TMEFF2: variants seen among roughly 807,000 people sequenced by gnomAD.
The protein encoded by TMEFF2 is transmembrane protein with EGF like and two follistatin like domains 2, also known as tomoregulin-2.
A neutral mutation model predicts 53.8 loss-of-function variants in TMEFF2; 28 were observed. The observed-to-expected ratio is 0.52, with a 90% CI of 0.39 to 0.71. The LOEUF is 0.71. Ranked by LOEUF, TMEFF2 falls within the 30% of genes least tolerant of loss-of-function variation. The pLI is 0.00. For synonymous variants in TMEFF2, 162 were observed against 166.3 expected (o/e 0.97, Z 0.20); for missense variants, 353 against 455.2 (o/e 0.78, Z 2.04).
chr2:191,979,301 G>A (rs1685802814), intron 7 of TMEFF2, among the ~76,000 whole-genome samples: 1 of 152,156 alleles, frequency 6.6e-6, no homozygotes, highest in African/African-American at 2.4e-5. Flanking sequence ...GCAAATACTT[G>A]ATAGGAAGTT....
At chr2:192,011,082 C>G (rs1686615051) in intron 5 of TMEFF2, among the ~76,000 whole-genome samples, 1 of 152,104 alleles carries the variant, frequency 6.6e-6, no homozygotes, top group Admixed American at 6.5e-5. Flanking sequence ...GTATTTTTCA[C>G]TAAACTGTGT....
rs10176161 is a variant in TMEFF2 at position 192,191,160 on chromosome 2, T to G, written c.282+720A>C. 2.4e-3 allele frequency among the ~76,000 whole-genome samples: 363 copies of G among 152,262 alleles called. 3 individuals are homozygous for G. Among genetic ancestry groups the G allele is most frequent in the African/African-American group, 8.6e-3 (356 of 41,574 alleles). ...TGACTATACTAATGACACTAAAAGT[T>G]CTATCTTTAATAGATACTAATAACC... On this transcript the variant is annotated intron_variant, in intron 2 of 9. Transcript: ENST00000272771.
chr2:192,066,908 A>G (rs1050743331), intron 4 of TMEFF2, among the ~76,000 whole-genome samples: 5 of 151,900 alleles, frequency 3.3e-5, no homozygotes, highest in Non-Finnish European at 4.4e-5. Context: ...CATTTTATGC[A>G]TATTCATATA....
At chr2:192,032,090 G>A (rs1687152067) in intron 5 of TMEFF2, 1 of 152,270 alleles carries the variant, frequency 6.6e-6, no homozygotes, top group South Asian at 2.1e-4. Flanking sequence ...CCAGAGTGAA[G>A]TGACCTGAAG....
chr2:192,097,448 A>G (rs1051746336), intron 4 of TMEFF2, among the ~76,000 whole-genome samples: 6 of 152,264 alleles, frequency 3.9e-5, no homozygotes, highest in African/African-American at 1.4e-4. Context: ...AAAAGCAATC[A>G]TCTGTCAATT....
At chr2:192,066,966 TTC>T (rs1011408439) in intron 4 of TMEFF2, among the ~76,000 whole-genome samples, 5 of 151,914 alleles carry the variant, frequency 3.3e-5, no homozygotes, top group Non-Finnish European at 5.9e-5. Context: ...GATGAGAAAT[TTC>T]TTTTTTATTG....
At chr2:191,969,252 T>C (rs1692563045) in intron 7 of TMEFF2, among the ~76,000 whole-genome samples, 3 of 152,000 alleles carry the variant, frequency 2.0e-5, no homozygotes, top group South Asian at 4.2e-4. Flanking sequence ...ATTATAGGCA[T>C]AGGAGATATG....
At chr2:192,142,305 G>T (rs1226653015) in intron 4 of TMEFF2, among the ~76,000 whole-genome samples, 1 of 151,924 alleles carries the variant, frequency 6.6e-6, no homozygotes, top group Non-Finnish European at 1.5e-5. Context: ...GTTCTCAGTG[G>T]GCCAAATGTA....
At chr2:191,989,935 C>A (rs1006211041) in intron 7 of TMEFF2, among the ~76,000 whole-genome samples, 2 of 152,136 alleles carry the variant, frequency 1.3e-5, no homozygotes, top group African/African-American at 4.8e-5. Flanking sequence ...TCTGAGAATA[C>A]CAAACCCCTT....
intron 4 of TMEFF2, among the ~76,000 whole-genome samples, chr2:192,147,556 C>T (rs971249870): frequency 6.6e-6 from 1 of 151,838 alleles, no homozygotes; most frequent in Non-Finnish European, 1.5e-5. Flanking sequence ...GTTCAATTCC[C>T]ACCTATGAGT....
At chr2:191,988,448 T>C (rs1352024871) in intron 7 of TMEFF2, among the ~76,000 whole-genome samples, 9 of 152,126 alleles carry the variant, frequency 5.9e-5, no homozygotes, top group Non-Finnish European at 2.9e-5. Flanking sequence ...AAAAATCCAG[T>C]GGTGCAAGAT....
Position 191,956,268 on chromosome 2 carries a change from C to T in TMEFF2, c.856G>A (p.Glu286Lys), listed in dbSNP as rs539071429. The change falls in exon 8 of 10, where the codon GAG becomes AAG. Residue 286 changes from glutamate to lysine, a missense_variant. By Grantham distance (56) the Glu-to-Lys change is moderately conservative. This residue lies in a region of TMEFF2 where 294 missense variants were observed against 397.3 expected (regional missense o/e 0.74). Transcript: ENST00000272771. ...GKCEHSINMQ[E>K]PSCRCDAGYT... ...TAAAAATGTTACCTGCAAGATGGCT[C>T]CTGCATATTGATAGAATGCTCACAC... is the stretch of plus-strand genomic sequence containing the variant. 138 of 1,612,296 alleles carry T rather than the reference C, an allele frequency of 8.6e-5. 1 individual carries two copies. In the South Asian group the frequency reaches 1.2e-3, roughly 14 times the overall value.
rs1029401864 is a variant in TMEFF2, at chr2:192,057,221, T to G, written c.536+458A>C. Reference sequence around the variant, plus strand: ...ACCATACCCAGCTAATTATTATTATTTTTTTTTATGGAGATGTGGGTCTCA... The same window carrying G: ...ACCATACCCAGCTAATTATTATTATGTTTTTTTATGGAGATGTGGGTCTCA... On this transcript the variant is annotated intron_variant, in intron 5 of 9. Transcript: ENST00000272771. 3.7e-4 allele frequency among the ~76,000 whole-genome samples: 54 copies of G among 146,542 alleles called. 1 individual carries two copies. In the South Asian group the frequency reaches 0.011, roughly 30 times the overall value.
chr2:192,159,023 C>T (rs950220979), intron 4 of TMEFF2, among the ~76,000 whole-genome samples: 2 of 152,040 alleles, frequency 1.3e-5, no homozygotes, highest in South Asian at 2.1e-4. Context: ...TGGAGGTTTT[C>T]ACTCTCTCAA....
Position 191,971,482 on chromosome 2 carries a change from A to G in TMEFF2, c.746-15104T>C, listed in dbSNP as rs1034499497. 1.4e-4 allele frequency among the ~76,000 whole-genome samples: 21 copies of G among 152,224 alleles called. 1 individual carries two copies. The highest frequency in any genetic ancestry group is 4.8e-5 in the African/African-American group (2 of 41,460). On this transcript the variant is annotated intron_variant, in intron 7 of 9. Coordinates refer to ENST00000272771, the MANE Select transcript of TMEFF2 (RefSeq NM_016192.4). ...TTCAGAGTTGGGAGCGAAATATGAC[A>G]TTGATAAATCAAACAGAGCCCCTCA...
At chr2:192,110,104 A>G (rs1345032261) in intron 4 of TMEFF2, among the ~76,000 whole-genome samples, 1 of 152,114 alleles carries the variant, frequency 6.6e-6, no homozygotes, top group African/African-American at 2.4e-5. Context: ...GCCAGCAAAA[A>G]GAGACAGAGA....
chr2:191,982,403 T>C (rs561887407), intron 7 of TMEFF2, among the ~76,000 whole-genome samples: 1 of 151,676 alleles, frequency 6.6e-6, no homozygotes, highest in African/African-American at 2.4e-5. Flanking sequence ...AAGGGTGCAT[T>C]AAATCTCAGT....
chr2:192,104,785 T>C (rs1689107758), intron 4 of TMEFF2, among the ~76,000 whole-genome samples: 1 of 152,098 alleles, frequency 6.6e-6, no homozygotes. Context: ...TCATTTCCTA[T>C]CATATTCAAA....
intron 7 of TMEFF2, among the ~76,000 whole-genome samples, chr2:191,974,406 GT>G (rs200837722): frequency 5.3e-5 from 8 of 150,438 alleles, no homozygotes; most frequent in East Asian, 3.9e-4. Flanking sequence ...GAAGAATGTG[GT>G]TTTTTTTTGG....
Sources: gnomAD v4.1 joint callset for allele counts (sites outside exome capture counted in the v4.1 genomes callset) on GRCh38, gnomAD v4.1.1 for gene constraint, gnomAD v4.1.1 regional missense constraint, MANE v1.5 for transcripts, NCBI Gene and HGNC (gene_info 2026-07-23, HGNC 2026-07-21) for gene names.